The following TMBIM6 variants were observed in gnomAD, a reference collection of about 807,000 sequenced individuals.
TMBIM6 encodes bax inhibitor 1.
Under a neutral mutation model 31.4 loss-of-function variants are expected in TMBIM6, and 13 were observed. The observed-to-expected ratio is 0.41, with a 90% CI of 0.27 to 0.66. The LOEUF (loss-of-function observed/expected upper bound fraction) is 0.66. TMBIM6 is among the 30% of genes least tolerant of loss of function. The pLI is 0.28. For synonymous variants in TMBIM6, 85 were observed against 101.7 expected, an observed-to-expected ratio of 0.84 and a Z score of 0.99; for missense variants, 275 against 289.5, an observed-to-expected ratio of 0.95 and a Z score of 0.36.
At chr12:49,756,774 T>C (rs956433052) in intron 4 of TMBIM6, among the ~76,000 whole-genome samples, 2 of 141,578 alleles carry the variant, frequency 1.4e-5, no homozygotes, top group Non-Finnish European at 3.1e-5. Context: ...TTCACTCTTG[T>C]TGCCCAGGCT....
chr12:49,749,705 A>G (rs1397409084), intron 1 of TMBIM6: 3 of 152,212 alleles, frequency 2.0e-5, no homozygotes, highest in Non-Finnish European at 4.4e-5. Context: ...AAGTACTGGG[A>G]TTACAGGCGT....
At chr12:49,742,007 T>C in intron 1 of TMBIM6, 1 of 1,361,956 alleles carries the variant, frequency 7.3e-7, no homozygotes, top group East Asian at 2.5e-5. Context: ...GAGCACGTCC[T>C]TCCGAGGTGA....
intron 9 of TMBIM6, 162 bp downstream of exon 9, chr12:49,761,941 GA>G (rs35437087): frequency 1.6e-6 from 1 of 615,046 alleles, no homozygotes; most frequent in Non-Finnish European, 2.6e-6. Context: ...TCAGTTGTTA[GA>G]AAAAAAGCAG....
chr12:49,757,092 C>T (rs934188678), intron 4 of TMBIM6, among the ~76,000 whole-genome samples: 1 of 152,134 alleles, frequency 6.6e-6, no homozygotes, highest in Non-Finnish European at 1.5e-5. Context: ...GTCTCGAACT[C>T]CTGACCTCAG....
At chr12:49,753,855 C>T (rs1592727097) in intron 3 of TMBIM6, among the ~76,000 whole-genome samples, 1 of 151,784 alleles carries the variant, frequency 6.6e-6, no homozygotes, top group East Asian at 1.9e-4. Context: ...CCTTGTTATT[C>T]ACAGACTCTA....
intron 1 of TMBIM6, among the ~76,000 whole-genome samples, chr12:49,749,069 T>A (rs1478951891): frequency 1.3e-5 from 2 of 152,224 alleles, no homozygotes; most frequent in Non-Finnish European, 2.9e-5. Context: ...CTTGTTTGGC[T>A]GAGTTTGCAT....
At chr12:49,755,308 T>C (rs189603387) in intron 3 of TMBIM6, among the ~76,000 whole-genome samples, 156 of 152,316 alleles carry the variant, frequency 1.0e-3, no homozygotes, top group Non-Finnish European at 1.5e-3. Flanking sequence ...TGGAATGTAC[T>C]TTAAGCACTT....
At chr12:49,758,536 C>T in intron 6 of TMBIM6, 56 bp downstream of exon 6, 1 of 1,574,788 alleles carries the variant, frequency 6.4e-7, no homozygotes, top group Non-Finnish European at 8.7e-7. Context: ...AGAATTCTCA[C>T]TAGTACTCCT....
chr12:49,742,307 T>G (rs1945311998), intron 1 of TMBIM6: 1 of 1,543,288 alleles, frequency 6.5e-7, no homozygotes, highest in Non-Finnish European at 8.7e-7. Flanking sequence ...TTGCTTGGTC[T>G]TGAGGTTTTG....
At position 49,760,128 on chromosome 12, in the gene TMBIM6, A is replaced by G. The variant is rs1023555342; in HGVS notation, c.614+807A>G. ...CTCCTTCTCAAAAAAAAAAAAAAAAAAAGTGTTGGGGGGTGGCTATATATT... is the reference window on the plus strand; with the variant it reads ...CTCCTTCTCAAAAAAAAAAAAAAAAGAAGTGTTGGGGGGTGGCTATATATT... On this transcript the variant is annotated intron_variant, in intron 8 of 9. Coordinates refer to ENST00000267115, the MANE Select transcript of TMBIM6 (RefSeq NM_003217.3). Among the ~76,000 whole-genome samples, 18 of 148,254 alleles carry G rather than the reference A, an allele frequency of 1.2e-4. No individual in the cohort carries two copies. The East Asian group carries it at 3.5e-3, about 29-fold the overall frequency.
chr12:49,750,380 G>A (rs1488284861), intron 1 of TMBIM6, among the ~76,000 whole-genome samples: 1 of 152,184 alleles, frequency 6.6e-6, no homozygotes, highest in Non-Finnish European at 1.5e-5. Context: ...TGAATACTGA[G>A]AAACTTGGCT....
At position 49,762,986 on chromosome 12, in the gene TMBIM6, TA is replaced by T; in HGVS notation, c.*92del. The T allele has an allele frequency of 7.3e-7, 1 of 1,370,664 alleles. No individual in the cohort carries two copies. Among genetic ancestry groups the T allele is most frequent in the South Asian group, 1.4e-5 (1 of 71,802 alleles). 84.9% of individuals were successfully genotyped at this position (1,370,664 alleles called of 1,614,324 possible). On this transcript the variant is annotated 3_prime_UTR_variant, in exon 10 of 10. Coordinates refer to ENST00000267115, the MANE Select transcript of TMBIM6 (RefSeq NM_003217.3). Reference sequence around the variant, plus strand: ...ACATTACAGGTGGTGTGTTCTGTGATAATGAAAAGCATCAGAAAAGCTTTTG... The same window carrying T: ...ACATTACAGGTGGTGTGTTCTGTGATATGAAAAGCATCAGAAAAGCTTTTG...
chr12:49,750,350 G>C (rs946598611), intron 1 of TMBIM6, among the ~76,000 whole-genome samples: 1 of 152,182 alleles, frequency 6.6e-6, no homozygotes, highest in East Asian at 1.9e-4. Context: ...GAAGCAAGAG[G>C]TTCTTTAGCA....
intron 1 of TMBIM6, chr12:49,742,248 C>T (rs1048734625): frequency 6.2e-7 from 1 of 1,609,686 alleles, no homozygotes. Flanking sequence ...ACGGGGCGGC[C>T]CCGCTCTTTT....
Position 49,760,533 on chromosome 12 carries a change from C to CTTTT in TMBIM6, c.615-1151_615-1148dup, listed in dbSNP as rs35862867. Among the ~76,000 whole-genome samples, 23 of 93,488 alleles carry CTTTT rather than the reference C, an allele frequency of 2.5e-4. 1 individual carries two copies. Among genetic ancestry groups the CTTTT allele is most frequent in the Admixed American group, 4.0e-4 (3 of 7,564 alleles). 61.3% of individuals were successfully genotyped at this position (93,488 alleles called of 152,430 possible). A position where few individuals can be genotyped will look rare whatever the true frequency, so the allele number is the denominator to read the frequency against. On this transcript the variant is annotated intron_variant, in intron 8 of 9. Coordinates refer to ENST00000267115, the MANE Select transcript of TMBIM6 (RefSeq NM_003217.3). ...AGGCTTAAGCCACCATGCCCAGCCA[C>CTTTT]TTTTTTTTTTTTTTTTTTTTTTTGA... is the stretch of plus-strand genomic sequence containing the variant.
At position 49,763,359 on chromosome 12, in the gene TMBIM6, C is replaced by T. The variant is rs1360930281; in HGVS notation, c.*463C>T. 1 of 154,388 alleles carries T rather than the reference C, an allele frequency of 6.5e-6. No individual in the cohort carries two copies. Among genetic ancestry groups the T allele is most frequent in the Non-Finnish European group, 1.4e-5 (1 of 69,392 alleles). 9.6% of individuals were successfully genotyped at this position (154,388 alleles called of 1,614,324 possible). A position where few individuals can be genotyped will look rare whatever the true frequency, so the allele number is the denominator to read the frequency against. ...TTCCATTGGAAAGAAGTTCAGTGGT[C>T]CCATTGTTAACTCAGCCTCAAATCT... On this transcript the variant is annotated 3_prime_UTR_variant, in exon 10 of 10. Coordinates refer to ENST00000267115, the MANE Select transcript of TMBIM6 (RefSeq NM_003217.3).
rs372622355 is a variant in TMBIM6, at chr12:49,749,435, A to ATTTTTTTTTTTTTTTT, written c.-30-3024_-30-3023insTTTTTTTTTTTTTTTT. On this transcript the variant is annotated intron_variant, in intron 1 of 9. Coordinates refer to ENST00000267115, the MANE Select transcript of TMBIM6 (RefSeq NM_003217.3). ...GTAAGTCCTTTTCTTTTTGTAAGTC[A>ATTTTTTTTTTTTTTTT]TTTTTGTTTTTTTTTGAAACGGAGT... Among the ~76,000 whole-genome samples, 6 of 136,440 alleles carry ATTTTTTTTTTTTTTTT rather than the reference A, an allele frequency of 4.4e-5. 1 individual carries two copies. The highest frequency in any genetic ancestry group is 1.5e-4 in the African/African-American group (5 of 32,414). 89.5% of individuals were successfully genotyped at this position (136,440 alleles called of 152,430 possible).
In TMBIM6 at chr12:49,763,237, C is replaced by T. The variant is rs906501775; in HGVS notation, c.*341C>T. ...CCGCTTTCCCACCAGGCTTCATTCA[C>T]CCAGTGGACCTGAACTGTTTGGTAG... On this transcript the variant is annotated 3_prime_UTR_variant, in exon 10 of 10. Coordinates refer to ENST00000267115, the MANE Select transcript of TMBIM6 (RefSeq NM_003217.3). The T allele has an allele frequency of 4.2e-6, 1 of 239,044 alleles. No homozygotes were observed. Among genetic ancestry groups the T allele is most frequent in the East Asian group, 7.6e-5 (1 of 13,142 alleles). The allele number at this position is 239,044 out of a possible 1,614,324, so 14.8% of individuals were successfully genotyped here. A position where few individuals can be genotyped will look rare whatever the true frequency, so the allele number is the denominator to read the frequency against.
In TMBIM6 at chr12:49,752,484, C is replaced by T; in HGVS notation, c.-10C>T. ...TGCAGAGTGGAGACTGCTGCACGGA[C>T]TCTGGAACCATGAACATATTTGATC... On this transcript the variant is annotated 5_prime_UTR_variant, in exon 2 of 10. Coordinates refer to ENST00000267115, the MANE Select transcript of TMBIM6 (RefSeq NM_003217.3). 6.2e-7 allele frequency: 1 copy of T among 1,613,194 alleles called. No homozygotes were observed. Among genetic ancestry groups the T allele is most frequent in the African/African-American group, 1.3e-5 (1 of 74,878 alleles).
Sources: gnomAD v4.1 joint callset for allele counts (sites outside exome capture counted in the v4.1 genomes callset) on GRCh38, gnomAD v4.1.1 for gene constraint, MANE v1.5 for transcripts, NCBI Gene and HGNC (gene_info 2026-07-23, HGNC 2026-07-21) for gene names.